TMEM87B: variants seen among roughly 807,000 people sequenced by gnomAD.
TMEM87B encodes the protein transmembrane protein 87B.
TMEM87B carries 83 observed loss-of-function variants against 80.3 expected under a neutral mutation model. The ratio of observed to expected loss-of-function variants is 1.03; its 90% CI spans 0.87 to 1.24. The LOEUF (loss-of-function observed/expected upper bound fraction) is 1.24. TMEM87B is among the 50% of genes most tolerant of loss of function. The probability of loss-of-function intolerance (pLI) is 0.00; values close to 1 mark genes in which losing one functional copy is unlikely to be tolerated. For synonymous variants in TMEM87B, 219 were observed against 230.5 expected (o/e 0.95, Z 0.45); for missense variants, 625 against 674.4 (o/e 0.93, Z 0.81).
chr2:112,056,280 C>G (rs1021955785), intron 1 of TMEM87B, among the ~76,000 whole-genome samples: 6 of 151,886 alleles, frequency 4.0e-5, no homozygotes, highest in Admixed American at 2.6e-4. Context: ...GCAGTAGTCA[C>G]CCTACCTCTA....
chr2:112,083,060 G>T (rs1679046392), intron 8 of TMEM87B, among the ~76,000 whole-genome samples: 1 of 152,208 alleles, frequency 6.6e-6, no homozygotes. Flanking sequence ...GGGCTGTCTT[G>T]CCCAGCATTG....
In TMEM87B at chr2:112,081,076, G is replaced by A. The variant is rs183274609; in HGVS notation, c.612G>A (p.Gly204=). 6.2e-7 allele frequency: 1 copy of A among 1,612,348 alleles called. No homozygotes were observed. Among genetic ancestry groups the A allele is most frequent in the East Asian group, 2.2e-5 (1 of 44,838 alleles). The change falls in exon 7 of 19, where the codon GGG becomes GGA. Residue 204 remains glycine, a synonymous_variant. Transcript: ENST00000283206. ...TCCTAGTTTCTCTTTCTATGATTGG[G>A]CCTCATGGATATATCTCTGCATCAG... The part of the protein sequence containing the change: ...WNLNVSLSMI[G]PHGYISASDW...
In TMEM87B at chr2:112,116,064, T is replaced by C. The variant is rs577595409; in HGVS notation, c.1609-20T>C. On this transcript the variant is annotated intron_variant, in intron 18 of 18. Coordinates refer to ENST00000283206, the MANE Select transcript of TMEM87B (RefSeq NM_032824.3). Reference sequence around the variant, plus strand: ...AGTAGTATCAACATGTTGATACATATCTTCTTTTTTTTTCTTCAGGAAATC... The same window carrying C: ...AGTAGTATCAACATGTTGATACATACCTTCTTTTTTTTTCTTCAGGAAATC... 1.7e-5 allele frequency: 28 copies of C among 1,607,162 alleles called. 1 individual carries two copies. The South Asian group carries it at 2.1e-4, about 12-fold the overall frequency.
intron 6 of TMEM87B, among the ~76,000 whole-genome samples, chr2:112,079,260 C>G (rs1257376165): frequency 1.3e-5 from 2 of 152,178 alleles, no homozygotes; most frequent in African/African-American, 4.8e-5. Flanking sequence ...CTTGGACCAT[C>G]ATCTGCCCAT....
intron 5 of TMEM87B, among the ~76,000 whole-genome samples, chr2:112,076,501 G>A (rs185383773): frequency 4.0e-5 from 6 of 151,788 alleles, no homozygotes; most frequent in African/African-American, 7.2e-5. Context: ...CACCACACCC[G>A]GCTAATTTTT....
intron 15 of TMEM87B, among the ~76,000 whole-genome samples, chr2:112,104,739 C>T (rs1164995057): frequency 6.6e-6 from 1 of 152,102 alleles, no homozygotes; most frequent in Non-Finnish European, 1.5e-5. Context: ...AAAAATGAAG[C>T]AGATGTCTAC....
chr2:112,085,993 TTTC>T lies in TMEM87B; in HGVS notation c.839-8_839-6del, dbSNP rs1375466429. 1 of 1,610,872 alleles carries T rather than the reference TTTC, an allele frequency of 6.2e-7. No individual in the cohort carries two copies. Among genetic ancestry groups the T allele is most frequent in the African/African-American group, 1.3e-5 (1 of 74,854 alleles). On this transcript the variant is annotated splice_polypyrimidine_tract_variant and intron_variant, in intron 8 of 18. Transcript: ENST00000283206. ...TAGACAAAGTGAATTATTTTATTTTTTTCTTCCTCAGCCCAAGGCTTATTGATA... is the reference window on the plus strand; with the variant it reads ...TAGACAAAGTGAATTATTTTATTTTTTTCCTCAGCCCAAGGCTTATTGATA...
In TMEM87B at chr2:112,097,163, T is replaced by A; in HGVS notation, c.1213+11T>A. 2.5e-6 allele frequency: 4 copies of A among 1,592,404 alleles called. No homozygotes were observed. The South Asian group carries it at 4.6e-5, about 18-fold the overall frequency. On this transcript the variant is annotated intron_variant, in intron 12 of 18. Coordinates refer to ENST00000283206, the MANE Select transcript of TMEM87B (RefSeq NM_032824.3). ...TCTTTGCTGTGCTGGGTAAGCTATT[T>A]AATTTTTCTTACAGTAAATTATCTT...
chr2:112,115,498 A>G (rs1176881464), intron 18 of TMEM87B, among the ~76,000 whole-genome samples: 1 of 152,236 alleles, frequency 6.6e-6, no homozygotes, highest in East Asian at 1.9e-4. Context: ...AGAAAGATGT[A>G]GCATGTAGAT....
At chr2:112,060,979 G>A (rs1678242138) in intron 2 of TMEM87B, among the ~76,000 whole-genome samples, 2 of 152,148 alleles carry the variant, frequency 1.3e-5, no homozygotes, top group South Asian at 2.1e-4. Context: ...TTTAAAACTA[G>A]ATAAATTGCT....
intron 4 of TMEM87B, among the ~76,000 whole-genome samples, chr2:112,072,440 T>C (rs1010819325): frequency 1.3e-5 from 2 of 152,064 alleles, no homozygotes; most frequent in Non-Finnish European, 2.9e-5. Context: ...GCTATTTCCA[T>C]TTCAGAGTTT....
At chr2:112,100,590 A>G (rs1679602020) in intron 14 of TMEM87B, 32 bp from the exon 15 acceptor site, 2 of 1,418,338 alleles carry the variant, frequency 1.4e-6, no homozygotes, top group East Asian at 2.3e-5. Flanking sequence ...GTTTAAACAT[A>G]CTAGTAAAAC....
At chr2:112,055,833 G>A in intron 1 of TMEM87B, 77 bp downstream of exon 1, 2 of 1,421,134 alleles carry the variant, frequency 1.4e-6, no homozygotes, top group South Asian at 1.6e-5. Context: ...TTGACCCCGG[G>A]CTTGTTCACC....
At chr2:112,056,822 C>T (rs1357194508) in intron 1 of TMEM87B, among the ~76,000 whole-genome samples, 1 of 152,120 alleles carries the variant, frequency 6.6e-6, no homozygotes, top group African/African-American at 2.4e-5. Flanking sequence ...GGTTGGTGAC[C>T]TAATTTGTGT....
chr2:112,086,823 C>T (rs1174058958), intron 9 of TMEM87B, among the ~76,000 whole-genome samples: 59 of 152,242 alleles, frequency 3.9e-4, no homozygotes, highest in Non-Finnish European at 4.4e-5. Context: ...ATGTGCATGA[C>T]CCTTTAAGTA....
intron 1 of TMEM87B, among the ~76,000 whole-genome samples, chr2:112,059,629 C>G (rs2104452266): frequency 6.6e-6 from 1 of 152,194 alleles, no homozygotes; most frequent in Non-Finnish European, 1.5e-5. Context: ...AGTTCCTTAT[C>G]AAAAGTACAT....
chr2:112,094,837 A>G (rs571945739), intron 11 of TMEM87B, among the ~76,000 whole-genome samples: 1 of 152,210 alleles, frequency 6.6e-6, no homozygotes, highest in East Asian at 1.9e-4. Flanking sequence ...TTGCTGTCAG[A>G]TTGCTCTTTG....
In TMEM87B at chr2:112,086,151, T is replaced by C. The variant is rs779451889; in HGVS notation, c.938+47T>C. ...AAATGCTGGGTCCCAGCCCAGTGAT[T>C]CAGTCCGTCTACATTATGACCTTTG... is the stretch of plus-strand genomic sequence containing the variant. On this transcript the variant is annotated intron_variant, in intron 9 of 18. Coordinates refer to ENST00000283206, the MANE Select transcript of TMEM87B (RefSeq NM_032824.3). The C allele has an allele frequency of 2.1e-6, 3 of 1,461,722 alleles. No homozygotes were observed. The Admixed American group carries it at 5.2e-5, about 25-fold the overall frequency. The allele number at this position is 1,461,722 out of a possible 1,614,324, so 90.5% of individuals were successfully genotyped here.
chr2:112,095,886 G>T (rs1679454258), intron 11 of TMEM87B, among the ~76,000 whole-genome samples: 1 of 152,170 alleles, frequency 6.6e-6, no homozygotes, highest in South Asian at 2.1e-4. Flanking sequence ...GAGAGAGCTG[G>T]CTTGAATTCT....
Sources: allele counts gnomAD v4.1 joint callset (sites outside exome capture counted in the v4.1 genomes callset), GRCh38; gene constraint gnomAD v4.1.1; transcripts MANE v1.5; gene names NCBI Gene and HGNC (gene_info 2026-07-23, HGNC 2026-07-21).